The following CRYBA4 variants were observed in gnomAD, a reference collection of about 807,000 sequenced individuals.
The protein encoded by CRYBA4 is crystallin beta A4, also known as beta-crystallin A4.
A neutral mutation model predicts 31.7 loss-of-function variants in CRYBA4; 30 were observed. The observed-to-expected ratio is 0.95, with a 90% CI of 0.71 to 1.28. The LOEUF is 1.28. Among genes scored for constraint, CRYBA4 ranks in the 50% most tolerant of loss-of-function variants. CRYBA4 has a pLI of 0.00. For synonymous variants in CRYBA4, 102 were observed against 102.3 expected, an observed-to-expected ratio of 1.00 and a Z score of 0.02; for missense variants, 225 against 260.7, an observed-to-expected ratio of 0.86 and a Z score of 0.94.
chr22:26,630,375 T>G lies in CRYBA4; in HGVS notation c.479T>G (p.Phe160Cys), dbSNP rs1421899235. 6.2e-7 allele frequency: 1 copy of G among 1,614,268 alleles called. No homozygotes were observed. The highest frequency in any genetic ancestry group is 2.2e-5 in the East Asian group (1 of 44,894). Residue 160 changes from phenylalanine to cysteine, a missense_variant, in exon 6 of 6, where the codon TTT becomes TGT. Physicochemically the swap from Phe to Cys is radical, Grantham distance 205. Transcript: ENST00000354760. ...VCSQFPGYRGFQYVLECDHHS... is the reference protein window; with the variant it reads ...VCSQFPGYRGCQYVLECDHHS... ...TCCCAGTTTCCGGGCTACCGAGGAT[T>G]TCAGTATGTGCTGGAATGCGATCAC...
At chr22:26,593,424 A>G in the CRYBA4 span, among the ~76,000 whole-genome samples, 1 of 150,862 alleles carries the variant, frequency 6.6e-6, no homozygotes. Context: ...GATAGCTTGA[A>G]CCCAGGAGAT....
the CRYBA4 span, chr22:26,616,195 G>A: frequency 1.9e-6 from 3 of 1,614,110 alleles, no homozygotes; most frequent in African/African-American, 4.0e-5. Context: ...AGGCACGGTT[G>A]TTGGGGCCAG....
chr22:26,601,944 G>A, the CRYBA4 span: 63 of 1,613,196 alleles, frequency 3.9e-5, no homozygotes, highest in South Asian at 5.4e-4. Flanking sequence ...GACTGGGTGC[G>A]TCGTCCCCCT....
At chr22:26,609,410 A>ATGGG in the CRYBA4 span, among the ~76,000 whole-genome samples, 3 of 151,956 alleles carry the variant, frequency 2.0e-5, no homozygotes, top group Non-Finnish European at 4.4e-5. Flanking sequence ...GGGTGGATGG[A>ATGGG]TGGGTGGATG....
the CRYBA4 span, among the ~76,000 whole-genome samples, chr22:26,594,214 G>A: frequency 1.3e-5 from 2 of 152,216 alleles, no homozygotes; most frequent in African/African-American, 2.4e-5. Context: ...GCTATTGGCT[G>A]TCGTGGCAGT....
At chr22:26,612,751 C>T in the CRYBA4 span, among the ~76,000 whole-genome samples, 1 of 152,172 alleles carries the variant, frequency 6.6e-6, no homozygotes, top group Non-Finnish European at 1.5e-5. Flanking sequence ...GCCTGGAATG[C>T]CTTCTCCACC....
upstream of CRYBA4, among the ~76,000 whole-genome samples, chr22:26,621,217 A>C (rs929917342): frequency 1.3e-5 from 2 of 152,196 alleles, no homozygotes; most frequent in Non-Finnish European, 2.9e-5. Context: ...CAGCTCCTCT[A>C]TGCTGCCCAC....
At chr22:26,620,249 T>C (rs535901577), upstream of CRYBA4, among the ~76,000 whole-genome samples, 1 of 152,322 alleles carries the variant, frequency 6.6e-6, no homozygotes, top group South Asian at 2.1e-4. Context: ...TCTTTCTTAT[T>C]AGCAATGGTG....
chr22:26,604,552 T>G, the CRYBA4 span, among the ~76,000 whole-genome samples: 2 of 152,146 alleles, frequency 1.3e-5, no homozygotes, highest in African/African-American at 4.8e-5. Context: ...ATGGAAGAAG[T>G]GACACTAGAG....
At chr22:26,619,854 C>T (rs1394964871), upstream of CRYBA4, among the ~76,000 whole-genome samples, 1 of 152,236 alleles carries the variant, frequency 6.6e-6, no homozygotes, top group East Asian at 1.9e-4. Context: ...GGCTGTCTGC[C>T]AGAGGGTGGG....
intron 4 of CRYBA4, among the ~76,000 whole-genome samples, chr22:26,627,512 CTT>C (rs71192949): frequency 1.8e-4 from 16 of 88,112 alleles, no homozygotes; most frequent in African/African-American, 2.7e-4. Context: ...TTCTTTCTTT[CTT>C]TCTTTCTTTC....
chr22:26,601,393 A>G, the CRYBA4 span, among the ~76,000 whole-genome samples: 1 of 152,080 alleles, frequency 6.6e-6, no homozygotes, highest in Non-Finnish European at 1.5e-5. Context: ...CTAGCTGGCA[A>G]GACTGAGAGG....
At chr22:26,602,857 C>G in the CRYBA4 span, among the ~76,000 whole-genome samples, 2 of 152,118 alleles carry the variant, frequency 1.3e-5, no homozygotes, top group Non-Finnish European at 2.9e-5. Flanking sequence ...GGTGCGATGG[C>G]TCACTCCTAT....
intron 3 of CRYBA4, 57 bp downstream of exon 3, chr22:26,623,409 A>G (rs974215283): frequency 7.2e-7 from 1 of 1,386,682 alleles, no homozygotes; most frequent in African/African-American, 1.4e-5. Flanking sequence ...GGACCTAGAG[A>G]CGGGTGCTAG....
upstream of CRYBA4, among the ~76,000 whole-genome samples, chr22:26,617,318 A>G (rs1041698078): frequency 6.6e-6 from 1 of 152,162 alleles, no homozygotes; most frequent in Non-Finnish European, 1.5e-5. Context: ...TTTGGAGACA[A>G]TGTTAAGGGA....
chr22:26,629,734 C>CAAAAAAAAAAAAAAAAAAA (rs66906132), intron 5 of CRYBA4, among the ~76,000 whole-genome samples: 7 of 80,616 alleles, frequency 8.7e-5, no homozygotes, highest in Admixed American at 1.5e-4. Context: ...GACTCTGTCT[C>CAAAAAAAAAAAAAAAAAAA]AAAAAAAAAA....
chr22:26,610,700 C>T, the CRYBA4 span, among the ~76,000 whole-genome samples: 1 of 152,156 alleles, frequency 6.6e-6, no homozygotes, highest in Non-Finnish European at 1.5e-5. Flanking sequence ...AGTCACCTGC[C>T]ATGTTTGGGT....
rs775112858 is a variant in CRYBA4 at position 26,628,248 on chromosome 22, T to TG, written c.301-37dup. ...CAGGAGAGGCTCCTGGGTTTCCAAC[T>TG]GGGAGCCTGCTGGTCTGACTGTGTT... On this transcript the variant is annotated intron_variant, in intron 4 of 5. Coordinates refer to ENST00000354760, the MANE Select transcript of CRYBA4 (RefSeq NM_001886.3). 3.0e-5 allele frequency: 49 copies of TG among 1,613,606 alleles called. No homozygotes were observed. In the South Asian group the frequency reaches 4.7e-4, roughly 16 times the overall value.
the CRYBA4 span, among the ~76,000 whole-genome samples, chr22:26,598,083 A>G: frequency 6.6e-6 from 1 of 152,124 alleles, no homozygotes; most frequent in Admixed American, 6.5e-5. Flanking sequence ...GGGTTTCACC[A>G]TGTTGGCCAG....
Sources: allele counts gnomAD v4.1 joint callset (sites outside exome capture counted in the v4.1 genomes callset), GRCh38; gene constraint gnomAD v4.1.1; transcripts MANE v1.5; gene names NCBI Gene and HGNC (gene_info 2026-07-23, HGNC 2026-07-21).